The following NR4A3 variants were observed in gnomAD, a reference collection of about 807,000 sequenced individuals.
The protein encoded by NR4A3 is chondrosarcoma, extraskeletal myxoid, fused to EWS.
Under a neutral mutation model 55.6 loss-of-function variants are expected in NR4A3, and 13 were observed. The ratio of observed to expected loss-of-function variants is 0.23; its 90% CI spans 0.15 to 0.37. NR4A3 has a LOEUF of 0.37. Ranked by LOEUF, NR4A3 falls within the 10% of genes least tolerant of loss-of-function variation. The probability of loss-of-function intolerance (pLI) is 1.00; values close to 1 mark genes in which losing one functional copy is unlikely to be tolerated. For synonymous variants in NR4A3, 342 were observed against 357.9 expected (o/e 0.96, Z 0.50); for missense variants, 646 against 822.8 (o/e 0.79, Z 2.63).
chr9:99,847,405 T>C, intron 6 of NR4A3, 32 bp from the exon 7 acceptor site: 1 of 1,603,308 alleles, frequency 6.2e-7, no homozygotes, highest in Non-Finnish European at 8.5e-7. Flanking sequence ...TGAACAGACC[T>C]GTTTAATGTT....
chr9:99,832,841 C>A (rs1295935493), intron 4 of NR4A3, 23 bp downstream of exon 4: 5 of 1,469,122 alleles, frequency 3.4e-6, no homozygotes, highest in South Asian at 1.5e-5. Flanking sequence ...TGCTTTTTAC[C>A]CAGTTTGCTT....
intron 3 of NR4A3, among the ~76,000 whole-genome samples, chr9:99,830,993 A>AC (rs1051718025): frequency 1.3e-5 from 2 of 152,168 alleles, no homozygotes; most frequent in Admixed American, 1.3e-4. Flanking sequence ...GGGGAGAATC[A>AC]CCCCACAGAA....
At position 99,864,888 on chromosome 9, in the gene NR4A3, G is replaced by T. The variant is rs911466784; in HGVS notation, c.*1021G>T. On this transcript the variant is annotated 3_prime_UTR_variant, in exon 8 of 8. Coordinates refer to ENST00000395097, the MANE Select transcript of NR4A3 (RefSeq NM_006981.4). Reference sequence around the variant, plus strand: ...AAATCAGCAGGAACTGGTCATACAGGGTAAGCACCAGGGACAATAAGGATT... The same window carrying T: ...AAATCAGCAGGAACTGGTCATACAGTGTAAGCACCAGGGACAATAAGGATT... 1.9e-5 allele frequency: 4 copies of T among 214,966 alleles called. No individual in the cohort carries two copies. Among genetic ancestry groups the T allele is most frequent in the African/African-American group, 9.0e-5 (4 of 44,284 alleles). 13.3% of individuals were successfully genotyped at this position (214,966 alleles called of 1,614,324 possible). A position where few individuals can be genotyped will look rare whatever the true frequency, so the allele number is the denominator to read the frequency against.
chr9:99,834,709 T>C (rs998574186), intron 5 of NR4A3: 8 of 738,964 alleles, frequency 1.1e-5, no homozygotes, highest in African/African-American at 5.7e-5. Context: ...GCAGTGTTGA[T>C]AGAAATGATT....
At chr9:99,845,689 C>T (rs1416000338) in intron 6 of NR4A3, among the ~76,000 whole-genome samples, 2 of 152,188 alleles carry the variant, frequency 1.3e-5, no homozygotes, top group Admixed American at 6.5e-5. Context: ...TTTTAAAGTG[C>T]AGATTGCCAG....
In NR4A3 at chr9:99,825,282, C is replaced by T. The variant is rs1235653388; in HGVS notation, c.-176-377C>T. Among the ~76,000 whole-genome samples, 2 of 152,140 alleles carry T rather than the reference C, an allele frequency of 1.3e-5. No individual in the cohort carries two copies. The highest frequency in any genetic ancestry group is 4.8e-5 in the African/African-American group (2 of 41,426). ...CCCCCGTATTCGGGCGGAGCTCGTT[C>T]CTCAAGTGTTCTGCTTTCTTTGGTT... is the stretch of plus-strand genomic sequence containing the variant. On this transcript the variant is annotated intron_variant, in intron 1 of 7. Coordinates refer to ENST00000395097, the MANE Select transcript of NR4A3 (RefSeq NM_006981.4). The surrounding 1 kb of genome is among the most constrained non-coding windows in gnomAD (Gnocchi z 5.0).
intron 7 of NR4A3, among the ~76,000 whole-genome samples, chr9:99,852,883 G>A (rs1439711012): frequency 2.0e-5 from 3 of 152,196 alleles, no homozygotes; most frequent in Non-Finnish European, 4.4e-5. Context: ...ACTGTAAATG[G>A]TTACCTGGTT....
At chr9:99,837,225 G>A (rs1393742877) in intron 5 of NR4A3, among the ~76,000 whole-genome samples, 1 of 152,060 alleles carries the variant, frequency 6.6e-6, no homozygotes, top group Admixed American at 6.6e-5. Context: ...CCAGCTCTGT[G>A]TGGTATTATT....
At chr9:99,859,648 A>G (rs893831873) in intron 7 of NR4A3, among the ~76,000 whole-genome samples, 1 of 152,204 alleles carries the variant, frequency 6.6e-6, no homozygotes, top group East Asian at 1.9e-4. Flanking sequence ...AATGGTTGCC[A>G]TAGTTATTGA....
intron 5 of NR4A3, among the ~76,000 whole-genome samples, chr9:99,843,756 CATTT>C (rs1173160008): frequency 1.6e-5 from 2 of 124,276 alleles, no homozygotes; most frequent in African/African-American, 6.1e-5. Context: ...CTGAGATTGT[CATTT>C]TTTTTTTTTT....
chr9:99,847,646 C>T (rs1827777748), intron 7 of NR4A3, 31 bp downstream of exon 7: 3 of 1,602,490 alleles, frequency 1.9e-6, no homozygotes, highest in African/African-American at 2.7e-5. Context: ...ACCGCATCCT[C>T]ATTTCTCTCC....
intron 7 of NR4A3, among the ~76,000 whole-genome samples, chr9:99,847,864 A>G (rs776940567): frequency 6.6e-6 from 1 of 152,206 alleles, no homozygotes. Context: ...ACGAAAATCT[A>G]ACTTCCTACT....
Position 99,864,071 on chromosome 9 carries a change from G to T in NR4A3, c.*204G>T. 15 of 458,150 alleles carry T rather than the reference G, an allele frequency of 3.3e-5. No individual in the cohort carries two copies. Among genetic ancestry groups the T allele is most frequent in the Middle Eastern group, 6.6e-4 (1 of 1,520 alleles). The allele number at this position is 458,150 out of a possible 1,614,324, so 28.4% of individuals were successfully genotyped here. ...ACTTGCAGAGTATTGTGTTGGGGTT[G>T]TGTTTTATATTTAGGCATTGGGGGA... On this transcript the variant is annotated 3_prime_UTR_variant, in exon 8 of 8. Coordinates refer to ENST00000395097, the MANE Select transcript of NR4A3 (RefSeq NM_006981.4).
intron 6 of NR4A3, among the ~76,000 whole-genome samples, chr9:99,847,013 T>G (rs1827766740): frequency 6.6e-6 from 1 of 152,138 alleles, no homozygotes; most frequent in African/African-American, 2.4e-5. Flanking sequence ...CCTTGGCAGT[T>G]TTTAACATTT....
At chr9:99,823,564 G>T (rs1173772369) in intron 1 of NR4A3, among the ~76,000 whole-genome samples, 2 of 152,180 alleles carry the variant, frequency 1.3e-5, no homozygotes, top group East Asian at 3.9e-4. Context: ...CTTTTCCCAC[G>T]ACCGGGAAAT....
At chr9:99,826,892 C>T in intron 2 of NR4A3, 1 of 1,270,006 alleles carries the variant, frequency 7.9e-7, no homozygotes, top group Non-Finnish European at 1.1e-6. Flanking sequence ...GCGTTAAGCA[C>T]CTGGTTTTCC....
intron 7 of NR4A3, among the ~76,000 whole-genome samples, chr9:99,862,458 T>C (rs2118181003): frequency 6.8e-6 from 1 of 147,452 alleles, no homozygotes; most frequent in African/African-American, 2.5e-5. Context: ...GGCAGGAGAA[T>C]CGCTTGAATC....
intron 5 of NR4A3, chr9:99,833,726 A>T: frequency 6.7e-7 from 1 of 1,482,696 alleles, no homozygotes; most frequent in Non-Finnish European, 9.0e-7. Context: ...GGTTGTGCCA[A>T]TGAAAATCTG....
chr9:99,850,882 T>C (rs1023630280), intron 7 of NR4A3, among the ~76,000 whole-genome samples: 2 of 152,216 alleles, frequency 1.3e-5, no homozygotes, highest in African/African-American at 2.4e-5. Flanking sequence ...AAGTTAGGCA[T>C]ATGCCTTCCC....
Sources: allele counts gnomAD v4.1 joint callset (sites outside exome capture counted in the v4.1 genomes callset), GRCh38; gene constraint gnomAD v4.1.1; non-coding constraint Gnocchi (gnomAD v3.1); transcripts MANE v1.5; gene names NCBI Gene and HGNC (gene_info 2026-07-23, HGNC 2026-07-21).